Variants in MCC observed in about 807,000 individuals in gnomAD.
MCC encodes the protein MCC regulator of Wnt signaling pathway.
MCC carries 90 observed loss-of-function variants against 116.2 expected under a neutral mutation model. The observed-to-expected ratio is 0.77, with a 90% CI of 0.65 to 0.92. MCC has a LOEUF of 0.92. Among genes scored for constraint, MCC ranks in the 40% least tolerant of loss-of-function variants. MCC has a pLI of 0.00. For missense variants in MCC, 1,516 were observed against 1,312.2 expected (o/e 1.16, Z -2.40); for synonymous variants, 578 against 510.5 (o/e 1.13, Z -1.78).
At chr5:113,252,536 G>T (rs1764841538) in intron 3 of MCC, among the ~76,000 whole-genome samples, 1 of 152,130 alleles carries the variant, frequency 6.6e-6, no homozygotes, top group African/African-American at 2.4e-5. Context: ...AGGAAAACAA[G>T]CTCAGGATTC....
At chr5:113,402,790 G>A (rs530875279) in intron 1 of MCC, among the ~76,000 whole-genome samples, 2 of 152,226 alleles carry the variant, frequency 1.3e-5, no homozygotes, top group South Asian at 4.2e-4. Flanking sequence ...GGCAAGAAAT[G>A]TTGTCATTGT....
chr5:113,207,889 G>A (rs564811618), intron 3 of MCC, among the ~76,000 whole-genome samples: 3 of 152,306 alleles, frequency 2.0e-5, no homozygotes, highest in Admixed American at 6.5e-5. Context: ...TCTGCTGAAT[G>A]AGAACCCTAC....
At chr5:113,273,024 A>C (rs899143386) in intron 3 of MCC, among the ~76,000 whole-genome samples, 5 of 152,260 alleles carry the variant, frequency 3.3e-5, no homozygotes, top group African/African-American at 1.2e-4. Context: ...AGTTACTGTT[A>C]CTTATTACTA....
At position 113,043,746 on chromosome 5, in the gene MCC, G is replaced by A. The variant is rs541998870; in HGVS notation, c.2656-116C>T. On this transcript the variant is annotated intron_variant, in intron 16 of 18. Transcript: ENST00000408903. ...AGTGATGGCAGCAGTGTGGGCACCG[G>A]GTGGCGCCCTCAGGTCATGCCAAAG... 6.0e-6 allele frequency: 4 copies of A among 668,982 alleles called. No individual in the cohort carries two copies. The East Asian group carries it at 1.1e-4, about 19-fold the overall frequency. The allele number at this position is 668,982 out of a possible 1,614,324, so 41.4% of individuals were successfully genotyped here.
rs535403756 is a variant in MCC at position 113,247,853 on chromosome 5, G to A, written c.627+92666C>T. ...GATAGACGGCAGCAGGGGAGTGTAT[G>A]GTCACCTATGAAGATATATCCAACA... On this transcript the variant is annotated intron_variant, in intron 3 of 18. Coordinates refer to ENST00000408903, the MANE Select transcript of MCC (RefSeq NM_001085377.2). Among the ~76,000 whole-genome samples the A allele has an allele frequency of 8.3e-4, 127 of 152,222 alleles. No individual in the cohort carries two copies. In the Middle Eastern group the frequency reaches 0.01, roughly 12 times the overall value.
chr5:113,158,035 C>A (rs76633857), intron 3 of MCC, among the ~76,000 whole-genome samples: 32 of 152,286 alleles, frequency 2.1e-4, no homozygotes, highest in African/African-American at 7.2e-4. Flanking sequence ...ATATGCTGGA[C>A]AAAGGAAGGA....
rs1235651544 is a variant in MCC, at chr5:113,282,042, A to T, written c.627+58477T>A. 2.0e-5 allele frequency among the ~76,000 whole-genome samples: 3 copies of T among 152,358 alleles called. No homozygotes were observed. The East Asian group carries it at 5.8e-4, about 29-fold the overall frequency. On this transcript the variant is annotated intron_variant, in intron 3 of 18. Transcript: ENST00000408903. The stretch of plus-strand genomic sequence containing the variant: ...TTTATCTAGGGAAAATACTTTTATT[A>T]TCACTACTTTATAACAGGGAATGTG...
At chr5:113,054,499 C>T (rs941234877) in intron 14 of MCC, among the ~76,000 whole-genome samples, 1 of 152,242 alleles carries the variant, frequency 6.6e-6, no homozygotes, top group African/African-American at 2.4e-5. Context: ...TCCACAGATG[C>T]GTGTCACACC....
At chr5:113,328,903 G>A (rs1268802638) in intron 3 of MCC, among the ~76,000 whole-genome samples, 3 of 152,130 alleles carry the variant, frequency 2.0e-5, no homozygotes, top group South Asian at 4.2e-4. Context: ...GCACCCTGTC[G>A]AATGGGTCCG....
chr5:113,063,948 C>T, intron 14 of MCC, 36 bp downstream of exon 14: 1 of 1,580,538 alleles, frequency 6.3e-7, no homozygotes, highest in Non-Finnish European at 8.6e-7. Context: ...GCCATGTGGA[C>T]ACACGCCCAC....
rs147381200 is a variant in MCC at position 113,131,118 on chromosome 5, A to G, written c.885-8292T>C. Among the ~76,000 whole-genome samples, 34 of 152,340 alleles carry G rather than the reference A, an allele frequency of 2.2e-4. No individual in the cohort carries two copies. The East Asian group carries it at 6.0e-3, about 27-fold the overall frequency. On this transcript the variant is annotated intron_variant, in intron 5 of 18. Transcript: ENST00000408903. ...AGCAGTGAGCTAACGAGCAAAGGGG[A>G]GATGAAGCAGAGAACATGAACAACT...
intron 8 of MCC, among the ~76,000 whole-genome samples, chr5:113,096,687 G>A (rs11749486): frequency 0.037 from 5,590 of 152,258 alleles, 138 homozygotes; most frequent in East Asian, 0.085. Flanking sequence ...CTTAGGTGGT[G>A]GATGGCCAAC....
chr5:113,488,175 G>C (rs1580438106), intron 1 of MCC, 70 bp downstream of exon 1: 1 of 1,483,420 alleles, frequency 6.7e-7, no homozygotes, highest in African/African-American at 1.5e-5. Flanking sequence ...CGAGGGGGCA[G>C]AGCAGGGGTC....
intron 3 of MCC, among the ~76,000 whole-genome samples, chr5:113,296,351 A>C (rs552215451): frequency 6.6e-6 from 1 of 152,332 alleles, no homozygotes; most frequent in South Asian, 2.1e-4. Context: ...TAGATAGAAA[A>C]TGATACTTGC....
chr5:113,438,539 T>A (rs1250928980), intron 1 of MCC, among the ~76,000 whole-genome samples: 1 of 152,174 alleles, frequency 6.6e-6, no homozygotes, highest in Non-Finnish European at 1.5e-5. Context: ...ATTGTGAGGA[T>A]TAGACATGGT....
intron 1 of MCC, among the ~76,000 whole-genome samples, chr5:113,402,582 A>T (rs932672593): frequency 1.3e-5 from 2 of 152,234 alleles, no homozygotes; most frequent in Admixed American, 6.5e-5. Context: ...CGCAAAAATA[A>T]TATGGGTGAA....
At chr5:113,195,189 G>A (rs1762336594) in intron 3 of MCC, among the ~76,000 whole-genome samples, 1 of 152,228 alleles carries the variant, frequency 6.6e-6, no homozygotes, top group African/African-American at 2.4e-5. Context: ...GACCTCGTGA[G>A]GGGGTCGATC....
intron 2 of MCC, among the ~76,000 whole-genome samples, chr5:113,369,071 C>T (rs1435948354): frequency 1.3e-5 from 2 of 152,052 alleles, no homozygotes; most frequent in Non-Finnish European, 2.9e-5. Context: ...GTAGAGCTTC[C>T]ATGCCCTGTG....
chr5:113,144,308 A>G (rs925125495), intron 4 of MCC, among the ~76,000 whole-genome samples: 12 of 152,148 alleles, frequency 7.9e-5, no homozygotes, highest in Non-Finnish European at 1.5e-4. Context: ...ATTTAATCTC[A>G]TTTACATAAT....
Sources: gnomAD v4.1 joint callset for allele counts (sites outside exome capture counted in the v4.1 genomes callset) on GRCh38, gnomAD v4.1.1 for gene constraint, MANE v1.5 for transcripts, NCBI Gene and HGNC (gene_info 2026-07-23, HGNC 2026-07-21) for gene names.